SUMF1: variants seen among roughly 807,000 people sequenced by gnomAD.
The protein encoded by SUMF1 is formylglycine-generating enzyme.
In SUMF1, 48 loss-of-function variants were observed where a neutral mutation model predicts 47.6. The observed-to-expected ratio is 1.01, with a 90% CI of 0.80 to 1.28. SUMF1 has a LOEUF of 1.28. Among genes scored for constraint, SUMF1 ranks in the 50% most tolerant of loss-of-function variants. SUMF1 has a pLI of 0.00. For missense variants in SUMF1, 571 were observed against 485.4 expected (o/e 1.18, Z -1.66); for synonymous variants, 230 against 192.1 (o/e 1.20, Z -1.63).
intron 8 of SUMF1, among the ~76,000 whole-genome samples, chr3:4,167,062 C>T (rs892288270): frequency 4.6e-5 from 7 of 151,986 alleles, no homozygotes; most frequent in Non-Finnish European, 8.8e-5. Flanking sequence ...GGCGATACCC[C>T]GGATAAGCCC....
chr3:4,452,494 A>C (rs1268297412), intron 2 of SUMF1, among the ~76,000 whole-genome samples: 1 of 152,284 alleles, frequency 6.6e-6, no homozygotes, highest in East Asian at 1.9e-4. Context: ...AAGTGGTCTT[A>C]CTTTACATGC....
chr3:4,303,621 C>T (rs1698045897), intron 8 of SUMF1: 2 of 1,387,180 alleles, frequency 1.4e-6, no homozygotes, highest in Non-Finnish European at 1.9e-6. Context: ...CCAGTCGCGA[C>T]CTTTTGTCTT....
intron 8 of SUMF1, among the ~76,000 whole-genome samples, chr3:4,198,256 T>C (rs893695743): frequency 6.6e-6 from 1 of 152,110 alleles, no homozygotes; most frequent in Non-Finnish European, 1.5e-5. Flanking sequence ...TGGAGTAACA[T>C]GCAGTTAGAC....
At chr3:4,137,275 T>C (rs1330394306) in intron 8 of SUMF1, among the ~76,000 whole-genome samples, 2 of 152,060 alleles carry the variant, frequency 1.3e-5, no homozygotes, top group African/African-American at 2.4e-5. Flanking sequence ...ATATACACCA[T>C]GGAATACTCT....
intron 8 of SUMF1, among the ~76,000 whole-genome samples, chr3:4,139,436 TAA>T (rs893508667): frequency 6.6e-5 from 10 of 152,084 alleles, no homozygotes; most frequent in African/African-American, 2.2e-4. Flanking sequence ...GAATTTATAA[TAA>T]AGAGTCATGT....
intron 8 of SUMF1, among the ~76,000 whole-genome samples, chr3:4,282,667 A>G (rs917517408): frequency 6.6e-6 from 1 of 152,210 alleles, no homozygotes; most frequent in African/African-American, 2.4e-5. Context: ...ACTGTTGCTC[A>G]GTCAATTCTT....
chr3:4,349,243 A>G (rs954602864), intron 8 of SUMF1, among the ~76,000 whole-genome samples: 2 of 152,276 alleles, frequency 1.3e-5, no homozygotes, highest in African/African-American at 4.8e-5. Context: ...GACATATGAA[A>G]AAAAGCTCAA....
At chr3:4,348,051 T>A (rs1350844654) in intron 8 of SUMF1, among the ~76,000 whole-genome samples, 1 of 152,110 alleles carries the variant, frequency 6.6e-6, no homozygotes, top group Admixed American at 6.5e-5. Flanking sequence ...TGGAAAAACA[T>A]TCCATCCTCA....
At chr3:4,336,845 A>C (rs981576534) in intron 8 of SUMF1, among the ~76,000 whole-genome samples, 11 of 152,214 alleles carry the variant, frequency 7.2e-5, no homozygotes, top group Non-Finnish European at 1.3e-4. Flanking sequence ...ACTTTCATCA[A>C]TCTGGGAAAA....
At chr3:4,240,554 C>G (rs967781680) in intron 8 of SUMF1, among the ~76,000 whole-genome samples, 1 of 151,904 alleles carries the variant, frequency 6.6e-6, no homozygotes, top group Non-Finnish European at 1.5e-5. Context: ...CTTGATAATT[C>G]AAATTCTAAG....
At chr3:4,342,985 G>A (rs1699302067) in intron 8 of SUMF1, among the ~76,000 whole-genome samples, 1 of 152,200 alleles carries the variant, frequency 6.6e-6, no homozygotes, top group African/African-American at 2.4e-5. Flanking sequence ...CACGGCTCAG[G>A]GGATGTGAAT....
At chr3:4,455,680 G>A (rs1703137325) in intron 1 of SUMF1, among the ~76,000 whole-genome samples, 1 of 152,086 alleles carries the variant, frequency 6.6e-6, no homozygotes, top group Non-Finnish European at 1.5e-5. Context: ...TTGCACCACT[G>A]TACTCCAGCC....
In SUMF1 at chr3:4,129,657, G is replaced by A. The variant is rs527839157; in HGVS notation, c.1015-60912C>T. Among the ~76,000 whole-genome samples, 202 of 152,176 alleles carry A rather than the reference G, an allele frequency of 1.3e-3. 4 individuals carry two copies. The highest frequency in any genetic ancestry group is 2.6e-3 in the Non-Finnish European group (179 of 68,010). On this transcript the variant is annotated intron_variant and NMD_transcript_variant, in intron 8 of 12. Coordinates refer to the SUMF1 transcript ENST00000448413. ...TGCTTCCCCAAGGAGACCTCCAGCC[G>A]TTTACCAGGATAACTGTGCATTGGG...
intron 2 of SUMF1, 92 bp downstream of exon 2, chr3:4,452,784 T>C (rs1703015248): frequency 2.1e-6 from 3 of 1,459,660 alleles, no homozygotes; most frequent in Non-Finnish European, 2.9e-6. Context: ...CAGAATGCAG[T>C]AAAAATGGTC....
intron 8 of SUMF1, among the ~76,000 whole-genome samples, chr3:4,287,575 C>A: frequency 6.6e-6 from 1 of 152,140 alleles, no homozygotes; most frequent in East Asian, 1.9e-4. Flanking sequence ...TTACCAAAAA[C>A]ACAGCTTCAC....
chr3:4,109,121 T>A (rs1482441301), intron 8 of SUMF1, among the ~76,000 whole-genome samples: 1 of 152,066 alleles, frequency 6.6e-6, no homozygotes, highest in East Asian at 1.9e-4. Flanking sequence ...GCAGGCCTGG[T>A]GGTGACAAAA....
At chr3:4,174,565 C>T (rs376925846) in intron 8 of SUMF1, among the ~76,000 whole-genome samples, 92 of 151,836 alleles carry the variant, frequency 6.1e-4, no homozygotes, top group Middle Eastern at 3.4e-3. Context: ...ACATGGGGGG[C>T]GTTCCAAGAT....
At chr3:4,433,922 T>C (rs751703053) in intron 3 of SUMF1, among the ~76,000 whole-genome samples, 52 of 152,190 alleles carry the variant, frequency 3.4e-4, no homozygotes, top group Non-Finnish European at 6.0e-4. Context: ...TCAAGAGATA[T>C]GTCACCATAC....
In SUMF1 at chr3:4,293,707, A is replaced by G. The variant is rs546761003; in HGVS notation, c.1014+82623T>C. On this transcript the variant is annotated intron_variant and NMD_transcript_variant, in intron 8 of 12. Transcript: ENST00000448413. The stretch of plus-strand genomic sequence containing the variant: ...AGGCTGTAAGACTAGCATATTCAGC[A>G]GTGAGATCAAGGTTTCCTTTGAGGC... Among the ~76,000 whole-genome samples, 24 of 152,308 alleles carry G rather than the reference A, an allele frequency of 1.6e-4. No homozygotes were observed. In the South Asian group the frequency reaches 4.6e-3, roughly 29 times the overall value.
Sources: allele counts gnomAD v4.1 joint callset (sites outside exome capture counted in the v4.1 genomes callset), GRCh38; gene constraint gnomAD v4.1.1; transcripts MANE v1.5; gene names NCBI Gene and HGNC (gene_info 2026-07-23, HGNC 2026-07-21).